The following GLP1R variants were observed in gnomAD, a reference collection of about 807,000 sequenced individuals.
GLP1R encodes glucagon like peptide 1 receptor.
In GLP1R, 32 loss-of-function variants were observed where a neutral mutation model predicts 68.4. The observed-to-expected ratio is 0.47, with a 90% CI of 0.35 to 0.63. The LOEUF is 0.63. Among genes scored for constraint, GLP1R ranks in the 20% least tolerant of loss-of-function variants. GLP1R has a pLI of 0.00. For missense variants in GLP1R, 502 were observed against 594.9 expected (o/e 0.84, Z 1.62); for synonymous variants, 263 against 244.4 (o/e 1.08, Z -0.71).
At chr6:39,077,480 A>T (rs974691238) in intron 7 of GLP1R, among the ~76,000 whole-genome samples, 6 of 152,250 alleles carry the variant, frequency 3.9e-5, no homozygotes, top group African/African-American at 9.6e-5. Flanking sequence ...CTCTCAGCAC[A>T]TGGCAACTGG....
intron 7 of GLP1R, among the ~76,000 whole-genome samples, chr6:39,075,402 C>T (rs2268647): frequency 0.46 from 69,739 of 151,958 alleles, 16,564 homozygotes; most frequent in Non-Finnish European, 0.51. Flanking sequence ...GTCACCATGG[C>T]GACCCGAGGG....
intron 5 of GLP1R, among the ~76,000 whole-genome samples, chr6:39,070,063 A>C (rs747791967): frequency 2.0e-5 from 3 of 152,150 alleles, no homozygotes; most frequent in Non-Finnish European, 4.4e-5. Flanking sequence ...AAGGGCAAAA[A>C]GGGCTCACAA....
intron 3 of GLP1R, among the ~76,000 whole-genome samples, chr6:39,058,274 A>G (rs1433702589): frequency 6.6e-6 from 1 of 152,108 alleles, no homozygotes; most frequent in Non-Finnish European, 1.5e-5. Flanking sequence ...GGTGGCCCAT[A>G]CCTGGCAGTG....
At chr6:39,063,282 C>T (rs953617992) in intron 3 of GLP1R, among the ~76,000 whole-genome samples, 5 of 152,172 alleles carry the variant, frequency 3.3e-5, no homozygotes, top group Non-Finnish European at 5.9e-5. Context: ...TTTTGCCTCA[C>T]GTCAGAAGAC....
At chr6:39,084,793 T>G (rs1769103750) in intron 12 of GLP1R, among the ~76,000 whole-genome samples, 1 of 152,178 alleles carries the variant, frequency 6.6e-6, no homozygotes, top group Admixed American at 6.5e-5. Flanking sequence ...AGGGATGGCA[T>G]GCAGCCATAC....
rs143847595 is a variant in GLP1R at position 39,082,252 on chromosome 6, G to C, written c.1224+1513G>C. On this transcript the variant is annotated intron_variant, in intron 12 of 12. Transcript: ENST00000373256. ...TCTCTTAAGGGTTTACTGCATATAAGGTGCTCAGAGTGTCTCATTACATCC... is the reference window on the plus strand; with the variant it reads ...TCTCTTAAGGGTTTACTGCATATAACGTGCTCAGAGTGTCTCATTACATCC... Among the ~76,000 whole-genome samples the C allele has an allele frequency of 6.6e-3, 1,003 of 152,292 alleles. 6 individuals carry two copies. Among genetic ancestry groups the C allele is most frequent in the African/African-American group, 0.02 (820 of 41,548 alleles).
intron 3 of GLP1R, among the ~76,000 whole-genome samples, chr6:39,060,825 T>C (rs1034276111): frequency 5.3e-5 from 8 of 152,094 alleles, no homozygotes; most frequent in African/African-American, 1.9e-4. Flanking sequence ...TGTTAGGAGC[T>C]AGGGATGCCA....
At chr6:39,063,759 C>T (rs1007149466) in intron 3 of GLP1R, among the ~76,000 whole-genome samples, 2 of 152,088 alleles carry the variant, frequency 1.3e-5, no homozygotes, top group African/African-American at 4.8e-5. Flanking sequence ...CTGGAAGAGG[C>T]TGTCACCAGA....
chr6:39,073,546 A>G (rs1583638255), intron 6 of GLP1R, 64 bp from the exon 7 acceptor site: 1 of 1,371,614 alleles, frequency 7.3e-7, no homozygotes, highest in South Asian at 1.2e-5. Context: ...CAGGACGGGG[A>G]GTGGTATCAA....
chr6:39,066,124 G>A, intron 4 of GLP1R, 73 bp from the exon 5 acceptor site: 1 of 863,640 alleles, frequency 1.2e-6, no homozygotes, highest in Non-Finnish European at 1.9e-6. Flanking sequence ...CTGTCTCTGT[G>A]CCATGGGAAG....
chr6:39,087,578 C>T lies in GLP1R; in HGVS notation c.*1505C>T, dbSNP rs1322363610. On this transcript the variant is annotated 3_prime_UTR_variant, in exon 13 of 13. Transcript: ENST00000373256. Reference sequence around the variant, plus strand: ...GACCTCCGGGGAGAGCAGAGGGTTCCGACGGATTCCTTTATGAGTCAGTCT... The same window carrying T: ...GACCTCCGGGGAGAGCAGAGGGTTCTGACGGATTCCTTTATGAGTCAGTCT... 6.6e-6 allele frequency: 1 copy of T among 152,104 alleles called. No individual in the cohort carries two copies. The highest frequency in any genetic ancestry group is 1.5e-5 in the Non-Finnish European group (1 of 68,032). The allele number at this position is 152,104 out of a possible 1,614,324, so 9.4% of individuals were successfully genotyped here. A position where few individuals can be genotyped will look rare whatever the true frequency, so the allele number is the denominator to read the frequency against.
At chr6:39,060,885 C>T (rs1008164541) in intron 3 of GLP1R, among the ~76,000 whole-genome samples, 1 of 152,172 alleles carries the variant, frequency 6.6e-6, no homozygotes, top group African/African-American at 2.4e-5. Flanking sequence ...AAGGGGTAAC[C>T]CCCCTCCATG....
chr6:39,062,501 C>T (rs1768377813), intron 3 of GLP1R, among the ~76,000 whole-genome samples: 2 of 152,260 alleles, frequency 1.3e-5, no homozygotes, highest in African/African-American at 2.4e-5. Flanking sequence ...TCCTTTGACT[C>T]TGTGCTAGTA....
chr6:39,083,906 G>T (rs1769079649), intron 12 of GLP1R, among the ~76,000 whole-genome samples: 1 of 152,210 alleles, frequency 6.6e-6, no homozygotes, highest in South Asian at 2.1e-4. Context: ...AACCTGATGT[G>T]AGATGCTCAT....
chr6:39,073,870 C>A, intron 7 of GLP1R, 101 bp downstream of exon 7: 1 of 1,051,586 alleles, frequency 9.5e-7, no homozygotes, highest in Non-Finnish European at 1.4e-6. Context: ...GAGCAAGGGG[C>A]AAGGCCCACT....
intron 12 of GLP1R, among the ~76,000 whole-genome samples, chr6:39,085,696 C>T (rs74315991): frequency 6.4e-4 from 97 of 152,348 alleles, no homozygotes; most frequent in African/African-American, 1.9e-3. Context: ...GGTCATCAAG[C>T]TGATCTCTCT....
At position 39,087,144 on chromosome 6, in the gene GLP1R, C is replaced by G. The variant is rs1295830022; in HGVS notation, c.*1071C>G. On this transcript the variant is annotated 3_prime_UTR_variant, in exon 13 of 13. Transcript: ENST00000373256. ...GCTCCCCCTGCCTTTGAAATTCCCC[C>G]ACTTGGGAGCTTGTATATACTTCAC... 6.6e-6 allele frequency: 1 copy of G among 152,258 alleles called. No individual in the cohort carries two copies. Among genetic ancestry groups the G allele is most frequent in the African/African-American group, 2.4e-5 (1 of 41,464 alleles). The allele number at this position is 152,258 out of a possible 1,614,324, so 9.4% of individuals were successfully genotyped here. A position where few individuals can be genotyped will look rare whatever the true frequency, so the allele number is the denominator to read the frequency against.
At chr6:39,066,143 TG>T in intron 4 of GLP1R, 53 bp from the exon 5 acceptor site, 1 of 995,490 alleles carries the variant, frequency 1.0e-6, no homozygotes, top group Non-Finnish European at 1.6e-6. Context: ...AGGAAGATTG[TG>T]GGAAGAGGGC....
rs773168576 is a variant in GLP1R at position 39,079,691 on chromosome 6, A to G, written c.1171A>G (p.Thr391Ala). Reference sequence around the variant, plus strand: ...CAAGCTGTTTACAGAGCTCTCCTTCACCTCCTTCCAGGTGACTTCATGCTT... The same window carrying G: ...CAAGCTGTTTACAGAGCTCTCCTTCGCCTCCTTCCAGGTGACTTCATGCTT... ...FIKLFTELSF[T>A]SFQGLMVAIL... The change falls in exon 11 of 13, where the codon ACC becomes GCC. Residue 391 changes from threonine (T) to alanine (A), a missense_variant. Transcript: ENST00000373256. This position sits in a 1 kb window ranked among gnomAD's most constrained non-coding sequence, Gnocchi z 4.5. 2.5e-6 allele frequency: 4 copies of G among 1,610,608 alleles called. No individual in the cohort carries two copies. Among genetic ancestry groups the G allele is most frequent in the South Asian group, 1.1e-5 (1 of 90,528 alleles).
Sources: gnomAD v4.1 joint callset for allele counts (sites outside exome capture counted in the v4.1 genomes callset) on GRCh38, gnomAD v4.1.1 for gene constraint, Gnocchi (gnomAD v3.1) non-coding constraint, MANE v1.5 for transcripts, NCBI Gene and HGNC (gene_info 2026-07-23, HGNC 2026-07-21) for gene names.